The following PIEZO2 variants were observed in gnomAD, a reference collection of about 807,000 sequenced individuals.
PIEZO2 encodes piezo-type mechanosensitive ion channel component 2.
PIEZO2 carries 172 observed loss-of-function variants against 337.3 expected under a neutral mutation model. That is an observed-to-expected ratio of 0.51 (90% CI 0.45 to 0.58). The LOEUF (loss-of-function observed/expected upper bound fraction) is 0.58. Among genes scored for constraint, PIEZO2 ranks in the 20% least tolerant of loss-of-function variants. PIEZO2 has a pLI of 0.00. For synonymous variants in PIEZO2, 1,251 were observed against 1,228.5 expected (o/e 1.02, Z -0.38); for missense variants, 3,028 against 3,391.3 (o/e 0.89, Z 2.66).
At chr18:11,010,821 C>G (rs1040211279) in intron 2 of PIEZO2, among the ~76,000 whole-genome samples, 2 of 152,150 alleles carry the variant, frequency 1.3e-5, no homozygotes, top group Non-Finnish European at 2.9e-5. Flanking sequence ...ACATATTTAG[C>G]CCAGAGAATT....
At chr18:10,852,421 T>C (rs751573215) in intron 7 of PIEZO2, among the ~76,000 whole-genome samples, 4 of 152,138 alleles carry the variant, frequency 2.6e-5, no homozygotes, top group African/African-American at 9.7e-5. Flanking sequence ...TGAATTTAAG[T>C]GGTCTTAAAG....
intron 7 of PIEZO2, among the ~76,000 whole-genome samples, chr18:10,838,770 G>A (rs2041099181): frequency 6.6e-6 from 1 of 152,154 alleles, no homozygotes; most frequent in South Asian, 2.1e-4. Context: ...TCACCTCTGA[G>A]AGAAAAGTGA....
intron 7 of PIEZO2, among the ~76,000 whole-genome samples, chr18:10,817,468 G>A (rs16975418): frequency 0.021 from 3,240 of 152,162 alleles, 105 homozygotes; most frequent in African/African-American, 0.073. Context: ...AAGGCAGAGT[G>A]TAAAAAATTT....
At chr18:10,720,407 GTGTATGTGTATGTA>G (rs1567983789) in intron 36 of PIEZO2, among the ~76,000 whole-genome samples, 2 of 11,920 alleles carry the variant, frequency 1.7e-4, no homozygotes, top group Non-Finnish European at 2.9e-4. Flanking sequence ...GTGTGTGTAT[GTGTATGTGTATGTA>G]TATATATATA....
chr18:11,050,358 G>A (rs78896760), intron 2 of PIEZO2, among the ~76,000 whole-genome samples: 3,947 of 152,188 alleles, frequency 0.026, 95 homozygotes, highest in East Asian at 0.1. Context: ...AGCTTTAAAT[G>A]TCTGCTACTA....
chr18:11,146,640 G>A lies in PIEZO2; in HGVS notation c.64+1885C>T, dbSNP rs1448095586. Among the ~76,000 whole-genome samples, 1 of 152,224 alleles carries A rather than the reference G, an allele frequency of 6.6e-6. No individual in the cohort carries two copies. Among genetic ancestry groups the A allele is most frequent in the East Asian group, 1.9e-4 (1 of 5,176 alleles). ...CAGCATCCGCGGGGCTTGGAGGCAG[G>A]TGAGCTGAGTCCAGGGAGCCCAACC... On this transcript the variant is annotated intron_variant, in intron 1 of 55. Transcript: ENST00000674853. The surrounding 1 kb of genome is among the most constrained non-coding windows in gnomAD (Gnocchi z 6.1).
intron 5 of PIEZO2, among the ~76,000 whole-genome samples, chr18:10,865,239 G>A (rs2041974947): frequency 6.6e-6 from 1 of 152,172 alleles, no homozygotes; most frequent in Non-Finnish European, 1.5e-5. Context: ...TTTATTCTAG[G>A]TTAATGGGAA....
chr18:10,980,914 A>C lies in PIEZO2; in HGVS notation c.161-1254T>G, dbSNP rs556079333. 6.6e-6 allele frequency among the ~76,000 whole-genome samples: 1 copy of C among 152,286 alleles called. No homozygotes were observed. The highest frequency in any genetic ancestry group is 2.1e-4 in the South Asian group (1 of 4,828). On this transcript the variant is annotated intron_variant, in intron 2 of 55. Coordinates refer to ENST00000674853, the MANE Select transcript of PIEZO2 (RefSeq NM_001378183.1). The surrounding 1 kb of genome is among the most constrained non-coding windows in gnomAD (Gnocchi z 4.8). ...TTAACTAAGGGAGACTATCCTCCAT[A>C]ACCTGGGAAGGCATGATTCAATCCA...
In PIEZO2 at chr18:10,846,891, T is replaced by C. The variant is rs988567553; in HGVS notation, c.917+8462A>G. On this transcript the variant is annotated intron_variant, in intron 7 of 55. Transcript: ENST00000674853. The surrounding 1 kb of genome is among the most constrained non-coding windows in gnomAD (Gnocchi z 4.1). Reference sequence around the variant, plus strand: ...ATGATGGGAGATAAGGCTAGAACTGTTGGAAATGGGGAAGTGAGTTTGAAT... The same window carrying C: ...ATGATGGGAGATAAGGCTAGAACTGCTGGAAATGGGGAAGTGAGTTTGAAT... Among the ~76,000 whole-genome samples, 16 of 152,038 alleles carry C rather than the reference T, an allele frequency of 1.1e-4. No individual in the cohort carries two copies. The highest frequency in any genetic ancestry group is 3.6e-4 in the African/African-American group (15 of 41,380).
At chr18:10,787,967 T>G (rs984222523) in intron 15 of PIEZO2, among the ~76,000 whole-genome samples, 1 of 152,210 alleles carries the variant, frequency 6.6e-6, no homozygotes, top group African/African-American at 2.4e-5. Context: ...ACTATACATA[T>G]ATATATATGT....
chr18:10,720,106 G>A (rs966105647), intron 36 of PIEZO2, among the ~76,000 whole-genome samples: 2 of 147,992 alleles, frequency 1.4e-5, no homozygotes, highest in Non-Finnish European at 3.0e-5. Context: ...TAAAGTATAA[G>A]TATGTTCCAT....
Position 10,726,640 on chromosome 18 carries a change from C to CT in PIEZO2, c.5029+4766_5029+4767insA. The stretch of plus-strand genomic sequence containing the variant: ...CGACGTGCGCTGGGAGTACTGCGCG[C>CT]GCGCCAAGCGCGGCCAGACAGACAC... On this transcript the variant is annotated intron_variant, in intron 36 of 55. Transcript: ENST00000674853. This position sits in a 1 kb window ranked among gnomAD's most constrained non-coding sequence, Gnocchi z 5.9. 1 of 1,397,684 alleles carries CT rather than the reference C, an allele frequency of 7.2e-7. No individual in the cohort carries two copies. Among genetic ancestry groups the CT allele is most frequent in the Non-Finnish European group, 9.7e-7 (1 of 1,035,596 alleles). 86.6% of individuals were successfully genotyped at this position (1,397,684 alleles called of 1,614,324 possible).
At chr18:11,005,131 C>G (rs1454045456) in intron 2 of PIEZO2, among the ~76,000 whole-genome samples, 2 of 152,212 alleles carry the variant, frequency 1.3e-5, no homozygotes, top group Non-Finnish European at 2.9e-5. Context: ...CAAATTCTGT[C>G]CCAAGGGACC....
chr18:10,789,423 T>C, intron 14 of PIEZO2, 58 bp from the exon 15 acceptor site: 2 of 1,480,294 alleles, frequency 1.4e-6, no homozygotes, highest in Non-Finnish European at 1.8e-6. Context: ...GACCACACTT[T>C]GACCATGTGA....
chr18:10,682,368 C>G lies in PIEZO2; in HGVS notation c.7498-76G>C. 7.7e-7 allele frequency: 1 copy of G among 1,298,480 alleles called. No individual in the cohort carries two copies. The highest frequency in any genetic ancestry group is 2.5e-5 in the East Asian group (1 of 39,606). The allele number at this position is 1,298,480 out of a possible 1,614,324, so 80.4% of individuals were successfully genotyped here. ...CGCAGGCAGCGGGATTGGGGGAGAG[C>G]GAGTGCTCTTCCTGTGGTGCTGGGA... On this transcript the variant is annotated intron_variant, in intron 49 of 55. Coordinates refer to ENST00000674853, the MANE Select transcript of PIEZO2 (RefSeq NM_001378183.1). The surrounding 1 kb of genome is among the most constrained non-coding windows in gnomAD (Gnocchi z 5.6).
At chr18:10,983,412 G>C (rs1378988154) in intron 2 of PIEZO2, among the ~76,000 whole-genome samples, 1 of 152,166 alleles carries the variant, frequency 6.6e-6, no homozygotes, top group Non-Finnish European at 1.5e-5. Flanking sequence ...GGTATCAACA[G>C]AGGCCTGATT....
chr18:10,979,794 T>A lies in PIEZO2; in HGVS notation c.161-134A>T. The A allele has an allele frequency of 2.1e-5, 16 of 756,070 alleles. No homozygotes were observed. The highest frequency in any genetic ancestry group is 4.7e-5 in the South Asian group (1 of 21,314). 46.8% of individuals were successfully genotyped at this position (756,070 alleles called of 1,614,324 possible). On this transcript the variant is annotated intron_variant, in intron 2 of 55. Transcript: ENST00000674853. This position sits in a 1 kb window ranked among gnomAD's most constrained non-coding sequence, Gnocchi z 4.0. ...TATATGGAATGTAATAATTATCATC[T>A]TAATTATTAGTCTATAGCTAAATGG...
At chr18:10,698,522 T>C (rs933874315) in intron 44 of PIEZO2, among the ~76,000 whole-genome samples, 2 of 152,208 alleles carry the variant, frequency 1.3e-5, no homozygotes, top group African/African-American at 4.8e-5. Context: ...GAAATAACCA[T>C]AGTTTGGCTA....
intron 1 of PIEZO2, among the ~76,000 whole-genome samples, chr18:11,121,962 CT>C (rs1197978088): frequency 1.3e-5 from 2 of 151,030 alleles, no homozygotes; most frequent in East Asian, 2.0e-4. Flanking sequence ...TTTTCTTTTT[CT>C]TTTTTTTTGA....
Sources: allele counts gnomAD v4.1 joint callset (sites outside exome capture counted in the v4.1 genomes callset), GRCh38; gene constraint gnomAD v4.1.1; non-coding constraint Gnocchi (gnomAD v3.1); transcripts MANE v1.5; gene names NCBI Gene and HGNC (gene_info 2026-07-23, HGNC 2026-07-21).